RAPGEF2: variants seen among roughly 807,000 people sequenced by gnomAD.
RAPGEF2 encodes the protein PDZ domain containing guanine nucleotide exchange factor (GEF) 1.
A neutral mutation model predicts 186.7 loss-of-function variants in RAPGEF2; 54 were observed. That is an observed-to-expected ratio of 0.29 (90% CI 0.23 to 0.36). RAPGEF2 has a LOEUF of 0.36. Among genes scored for constraint, RAPGEF2 ranks in the 10% least tolerant of loss-of-function variants. The pLI, the probability that RAPGEF2 is intolerant of heterozygous loss-of-function variation, is 1.00. For missense variants in RAPGEF2, 1,532 were observed against 2,045.0 expected, an observed-to-expected ratio of 0.75 and a Z score of 4.84; for synonymous variants, 712 against 705.9, an observed-to-expected ratio of 1.01 and a Z score of -0.14.
At chr4:159,171,289 A>T (rs1381126203) in intron 1 of RAPGEF2, among the ~76,000 whole-genome samples, 2 of 152,206 alleles carry the variant, frequency 1.3e-5, no homozygotes, top group East Asian at 3.8e-4. Context: ...GAACAACAAT[A>T]ATGTTCCACA....
At chr4:159,208,714 C>T (rs185398110) in intron 3 of RAPGEF2, among the ~76,000 whole-genome samples, 107 of 152,222 alleles carry the variant, frequency 7.0e-4, no homozygotes, top group African/African-American at 2.6e-3. Flanking sequence ...TATGTCCTAA[C>T]TAATAAATTT....
chr4:159,158,297 CATT>C (rs1359581243), intron 1 of RAPGEF2, among the ~76,000 whole-genome samples: 1 of 152,168 alleles, frequency 6.6e-6, no homozygotes, highest in Non-Finnish European at 1.5e-5. Flanking sequence ...TGTGGGAAAG[CATT>C]ATTACTTAGG....
At chr4:159,134,432 A>G (rs1420352699) in intron 1 of RAPGEF2, among the ~76,000 whole-genome samples, 6 of 152,240 alleles carry the variant, frequency 3.9e-5, no homozygotes, top group Non-Finnish European at 5.9e-5. Flanking sequence ...TGATGAATGA[A>G]GCTGCTATAA....
intron 7 of RAPGEF2, among the ~76,000 whole-genome samples, chr4:159,271,135 A>G (rs1411092621): frequency 6.6e-6 from 1 of 152,166 alleles, no homozygotes; most frequent in Non-Finnish European, 1.5e-5. Flanking sequence ...TCTTTACTCA[A>G]TTTACCAACT....
At chr4:159,131,016 C>T (rs537893340) in intron 1 of RAPGEF2, among the ~76,000 whole-genome samples, 85 of 151,578 alleles carry the variant, frequency 5.6e-4, no homozygotes, top group Admixed American at 5.6e-3. Context: ...TTAACTTTAC[C>T]TTTTTAAATA....
At chr4:159,303,011 A>T (rs1762857211) in intron 7 of RAPGEF2, among the ~76,000 whole-genome samples, 2 of 152,102 alleles carry the variant, frequency 1.3e-5, no homozygotes, top group African/African-American at 4.8e-5. Flanking sequence ...TTTATGTTTA[A>T]ATCTCCCCTT....
intron 7 of RAPGEF2, among the ~76,000 whole-genome samples, chr4:159,261,230 T>G (rs955655153): frequency 5.9e-5 from 9 of 152,016 alleles, no homozygotes. Context: ...CTGGCTAATT[T>G]TTTTTGTATT....
At position 159,321,781 on chromosome 4, in the gene RAPGEF2, C is replaced by CT. The variant is rs1361367921; in HGVS notation, c.854-560dup. Among the ~76,000 whole-genome samples the CT allele has an allele frequency of 2.2e-4, 34 of 152,112 alleles. 1 individual carries two copies. The highest frequency in any genetic ancestry group is 2.2e-3 in the Admixed American group (34 of 15,274). ...TAGGAAAGAAGAGTGAACAAACTTC[C>CT]TTTTTTGCCAACTTGTGGGCTAAAA... On this transcript the variant is annotated intron_variant, in intron 9 of 29. Transcript: ENST00000691494.
chr4:159,191,620 T>A (rs887607936), intron 2 of RAPGEF2, among the ~76,000 whole-genome samples: 3 of 151,978 alleles, frequency 2.0e-5, no homozygotes, highest in Admixed American at 6.6e-5. Context: ...GCAACGATAG[T>A]CCCAGCCACT....
chr4:159,166,256 G>A (rs1207460512), intron 1 of RAPGEF2, among the ~76,000 whole-genome samples: 2 of 152,104 alleles, frequency 1.3e-5, no homozygotes, highest in African/African-American at 4.8e-5. Flanking sequence ...GGAGGTTGCA[G>A]TGAGCCGAGA....
At chr4:159,309,613 G>C (rs1205421332) in intron 8 of RAPGEF2, among the ~76,000 whole-genome samples, 1 of 152,146 alleles carries the variant, frequency 6.6e-6, no homozygotes, top group Non-Finnish European at 1.5e-5. Context: ...AAGCAGATGG[G>C]GGCAGGTTGA....
chr4:159,202,569 T>G (rs527567331), intron 3 of RAPGEF2, among the ~76,000 whole-genome samples: 3 of 152,282 alleles, frequency 2.0e-5, no homozygotes, highest in African/African-American at 7.2e-5. Flanking sequence ...TTCAACTCTC[T>G]TTTCTCTCCT....
chr4:159,329,755 G>A (rs148775088), intron 11 of RAPGEF2, 103 bp from the exon 12 acceptor site: 410 of 924,140 alleles, frequency 4.4e-4, no homozygotes, highest in Middle Eastern at 5.1e-4. Context: ...GGGAAAGACA[G>A]GGAAAAATGT....
intron 1 of RAPGEF2, among the ~76,000 whole-genome samples, chr4:159,156,486 A>G (rs1744134417): frequency 6.6e-6 from 1 of 150,588 alleles, no homozygotes; most frequent in Non-Finnish European, 1.5e-5. Flanking sequence ...TTTTTTTTGC[A>G]TTTAAAAAAA....
intron 7 of RAPGEF2, among the ~76,000 whole-genome samples, chr4:159,252,023 C>T (rs1015938687): frequency 1.3e-5 from 2 of 152,136 alleles, no homozygotes; most frequent in African/African-American, 4.8e-5. Context: ...CACATCTGAA[C>T]ATCTGAAGGA....
At position 159,346,917 on chromosome 4, in the gene RAPGEF2, A is replaced by G. The variant is rs758039388; in HGVS notation, c.3631A>G (p.Ile1211Val). The G allele has an allele frequency of 6.2e-7, 1 of 1,614,186 alleles. No individual in the cohort carries two copies. Among genetic ancestry groups the G allele is most frequent in the East Asian group, 2.2e-5 (1 of 44,888 alleles). Residue 1211 changes from isoleucine (I) to valine (V), a missense_variant, in exon 25 of 30, where the codon ATC (isoleucine) becomes GTC (valine). Around this residue, in one of 4 missense-constraint regions of RAPGEF2, gnomAD observed 594 missense variants for 608.5 expected, o/e 0.98. Transcript: ENST00000691494. ...GCAGCAGCCACCACCAGCACATAAA[A>G]TCAACCAGGGACTACAGGTTCCCGC... ...PQQQPPPAHKINQGLQVPAVS... is the reference protein window; with the variant it reads ...PQQQPPPAHKVNQGLQVPAVS...
chr4:159,138,009 T>C (rs890657850), intron 1 of RAPGEF2, among the ~76,000 whole-genome samples: 1 of 152,200 alleles, frequency 6.6e-6, no homozygotes, highest in Admixed American at 6.5e-5. Context: ...CATTATTAAT[T>C]TTCATGGTAT....
intron 29 of RAPGEF2, among the ~76,000 whole-genome samples, chr4:159,356,744 T>C (rs1405996233): frequency 6.6e-6 from 1 of 151,662 alleles, no homozygotes; most frequent in Admixed American, 6.6e-5. Flanking sequence ...CTACTAAAAA[T>C]ACAAAAATTA....
chr4:159,131,519 A>ATTGT, intron 1 of RAPGEF2, among the ~76,000 whole-genome samples: 2,552 of 36,934 alleles, frequency 0.069, 322 homozygotes, highest in Middle Eastern at 0.11. Context: ...ATTAATTGCT[A>ATTGT]TTTTTTTTTT....
Sources: gnomAD v4.1 joint callset for allele counts (sites outside exome capture counted in the v4.1 genomes callset) on GRCh38, gnomAD v4.1.1 for gene constraint, gnomAD v4.1.1 regional missense constraint, MANE v1.5 for transcripts, NCBI Gene and HGNC (gene_info 2026-07-23, HGNC 2026-07-21) for gene names.